The following DTNB variants were observed in gnomAD, a reference collection of about 807,000 sequenced individuals.
The protein encoded by DTNB is DTN-B.
Under a neutral mutation model 90.7 loss-of-function variants are expected in DTNB, and 63 were observed. The ratio of observed to expected loss-of-function variants is 0.69; its 90% CI spans 0.57 to 0.86. The LOEUF (loss-of-function observed/expected upper bound fraction) is 0.86. DTNB is among the 40% of genes least tolerant of loss of function. The pLI, the probability that DTNB is intolerant of heterozygous loss-of-function variation, is 0.00. For synonymous variants in DTNB, 277 were observed against 286.7 expected (o/e 0.97, Z 0.34); for missense variants, 744 against 807.1 (o/e 0.92, Z 0.95).
chr2:25,513,577 G>A (rs544106684), intron 9 of DTNB, among the ~76,000 whole-genome samples: 58 of 152,008 alleles, frequency 3.8e-4, no homozygotes, highest in Admixed American at 1.1e-3. Flanking sequence ...AAAAAAATTA[G>A]CTGGGCATGG....
intron 2 of DTNB, chr2:25,649,867 AAG>A (rs888671488): frequency 9.6e-5 from 23 of 239,796 alleles, no homozygotes; most frequent in Non-Finnish European, 1.5e-4. Flanking sequence ...TGGCTGGAAA[AAG>A]GTGATTCTGG....
chr2:25,535,819 GCTC>G (rs1233358510), intron 8 of DTNB, among the ~76,000 whole-genome samples: 1 of 145,910 alleles, frequency 6.9e-6, no homozygotes, highest in East Asian at 2.1e-4. Flanking sequence ...GGGCAGAGGT[GCTC>G]CTCACTTCCT....
chr2:25,496,290 T>A (rs1309323948), intron 9 of DTNB, among the ~76,000 whole-genome samples: 2 of 152,202 alleles, frequency 1.3e-5, no homozygotes, highest in African/African-American at 4.8e-5. Flanking sequence ...TCCTTCCTTG[T>A]TCTCCTTGTT....
chr2:25,482,599 A>T (rs1284701312), intron 10 of DTNB, among the ~76,000 whole-genome samples, 197 bp downstream of exon 10: 4 of 151,998 alleles, frequency 2.6e-5, no homozygotes, highest in Admixed American at 6.6e-5. Context: ...TTCAGTTGCT[A>T]TATTTGTGAG....
chr2:25,458,527 G>T lies in DTNB; in HGVS notation c.1080-3033C>A, dbSNP rs540199204. ...TCTGTCACCCAGGCTGGAGTGCCATGGTGCAATCATGGATCAATGCAGCCT... is the reference window on the plus strand; with the variant it reads ...TCTGTCACCCAGGCTGGAGTGCCATTGTGCAATCATGGATCAATGCAGCCT... On this transcript the variant is annotated intron_variant, in intron 10 of 20. Coordinates refer to ENST00000406818, the MANE Select transcript of DTNB (RefSeq NM_021907.5). Among the ~76,000 whole-genome samples, 16 of 152,152 alleles carry T rather than the reference G, an allele frequency of 1.1e-4. No individual in the cohort carries two copies. In the South Asian group the frequency reaches 3.1e-3, roughly 30 times the overall value.
intron 9 of DTNB, among the ~76,000 whole-genome samples, chr2:25,525,737 C>G (rs1256030365): frequency 6.6e-6 from 1 of 152,076 alleles, no homozygotes; most frequent in Non-Finnish European, 1.5e-5. Flanking sequence ...GTCCCAGCTG[C>G]ATTTTTACTT....
At chr2:25,402,322 G>C (rs998168852) in intron 16 of DTNB, among the ~76,000 whole-genome samples, 10 of 152,244 alleles carry the variant, frequency 6.6e-5, no homozygotes, top group Non-Finnish European at 1.5e-4. Flanking sequence ...GAATGAGGGT[G>C]AAGGAGAGAG....
chr2:25,488,180 A>G (rs957393545), intron 9 of DTNB, among the ~76,000 whole-genome samples: 1 of 152,188 alleles, frequency 6.6e-6, no homozygotes, highest in African/African-American at 2.4e-5. Context: ...GAGGCCAGGT[A>G]AGAGGTTATG....
chr2:25,561,919 C>G (rs1317301084), intron 8 of DTNB, among the ~76,000 whole-genome samples: 1 of 152,172 alleles, frequency 6.6e-6, no homozygotes, highest in Admixed American at 6.5e-5. Flanking sequence ...AGATACTATT[C>G]ATATGCCATA....
chr2:25,410,025 AT>A (rs1307337576), intron 16 of DTNB, among the ~76,000 whole-genome samples: 1 of 152,090 alleles, frequency 6.6e-6, no homozygotes, highest in Non-Finnish European at 1.5e-5. Context: ...GACACCCATC[AT>A]TTCCCTAGAT....
At chr2:25,419,206 A>T (rs1037179306) in intron 16 of DTNB, 22 of 485,842 alleles carry the variant, frequency 4.5e-5, no homozygotes, top group Non-Finnish European at 7.8e-5. Flanking sequence ...ATCACTCCAG[A>T]CACACAACAA....
At chr2:25,649,886 T>C (rs72852684) in intron 2 of DTNB, 2 of 336,892 alleles carry the variant, frequency 5.9e-6, no homozygotes, top group East Asian at 1.7e-4. Context: ...CTGGCATCCA[T>C]AGAAAGTAGT....
chr2:25,607,063 T>G (rs1434953483), intron 5 of DTNB, among the ~76,000 whole-genome samples, 173 bp downstream of exon 5: 1 of 152,192 alleles, frequency 6.6e-6, no homozygotes. Context: ...AACCAACTTT[T>G]CCATCTGAAC....
chr2:25,500,812 C>T (rs2070432771), intron 9 of DTNB, among the ~76,000 whole-genome samples: 2 of 152,052 alleles, frequency 1.3e-5, no homozygotes, highest in Non-Finnish European at 2.9e-5. Context: ...AAAAAGGAAA[C>T]TCTGTTTAAT....
chr2:25,407,542 G>A (rs1321411577), intron 16 of DTNB, among the ~76,000 whole-genome samples: 1 of 152,152 alleles, frequency 6.6e-6, no homozygotes, highest in South Asian at 2.1e-4. Flanking sequence ...CAACCAATGA[G>A]TGAATAAAGA....
At chr2:25,622,321 T>C (rs1002359293) in intron 4 of DTNB, among the ~76,000 whole-genome samples, 1 of 152,116 alleles carries the variant, frequency 6.6e-6, no homozygotes, top group Admixed American at 6.6e-5. Flanking sequence ...CCGTCTCTAC[T>C]GAACATATAA....
chr2:25,499,313 T>A (rs1488650127), intron 9 of DTNB, among the ~76,000 whole-genome samples: 6 of 152,200 alleles, frequency 3.9e-5, no homozygotes, highest in Admixed American at 3.9e-4. Flanking sequence ...TTATGTGACC[T>A]GCATGACTTT....
chr2:25,435,828 T>A (rs114122733), intron 12 of DTNB, among the ~76,000 whole-genome samples: 6 of 152,338 alleles, frequency 3.9e-5, no homozygotes, highest in Non-Finnish European at 8.8e-5. Context: ...TATTTTACAT[T>A]CCTGCCAGCA....
At chr2:25,540,774 T>TCAGG (rs2081046811) in intron 8 of DTNB, among the ~76,000 whole-genome samples, 1 of 152,190 alleles carries the variant, frequency 6.6e-6, no homozygotes, top group Non-Finnish European at 1.5e-5. Context: ...ACATATGCTG[T>TCAGG]GTCCACTCAG....
Sources: gnomAD v4.1 joint callset for allele counts (sites outside exome capture counted in the v4.1 genomes callset) on GRCh38, gnomAD v4.1.1 for gene constraint, MANE v1.5 for transcripts, NCBI Gene and HGNC (gene_info 2026-07-23, HGNC 2026-07-21) for gene names.